MYO5B: variants seen among roughly 807,000 people sequenced by gnomAD.
MYO5B encodes myosin VB, also known as unconventional myosin-Vb.
A neutral mutation model predicts 229.3 loss-of-function variants in MYO5B; 143 were observed. That is an observed-to-expected ratio of 0.62 (90% CI 0.54 to 0.72). The LOEUF (loss-of-function observed/expected upper bound fraction) is 0.72. Ranked by LOEUF, MYO5B falls within the 30% of genes least tolerant of loss-of-function variation. The pLI, the probability that MYO5B is intolerant of heterozygous loss-of-function variation, is 0.00. For synonymous variants in MYO5B, 918 were observed against 885.2 expected, an observed-to-expected ratio of 1.04 and a Z score of -0.66; for missense variants, 2,321 against 2,331.0, an observed-to-expected ratio of 1.00 and a Z score of 0.09.
At chr18:50,052,708 A>AG (rs1417113192) in intron 2 of MYO5B, among the ~76,000 whole-genome samples, 1 of 151,092 alleles carries the variant, frequency 6.6e-6, no homozygotes, top group African/African-American at 2.4e-5. Flanking sequence ...AGTATAATAA[A>AG]AAAAAAAGGT....
chr18:49,935,785 G>A (rs555181682), intron 16 of MYO5B, among the ~76,000 whole-genome samples: 3 of 152,338 alleles, frequency 2.0e-5, no homozygotes, highest in African/African-American at 7.2e-5. Context: ...GAGGAAAAGG[G>A]GAGCAAATGT....
chr18:49,948,349 A>G (rs1404422217), intron 14 of MYO5B, among the ~76,000 whole-genome samples: 1 of 152,198 alleles, frequency 6.6e-6, no homozygotes, highest in East Asian at 1.9e-4. Context: ...TGACATTTAG[A>G]TGAATATTTT....
At chr18:50,181,784 C>A (rs1218416813) in intron 1 of MYO5B, among the ~76,000 whole-genome samples, 2 of 152,166 alleles carry the variant, frequency 1.3e-5, no homozygotes, top group Admixed American at 1.3e-4. Flanking sequence ...CACACATACA[C>A]ACAGTAAAAT....
chr18:50,066,844 C>T (rs2030832394), intron 1 of MYO5B, among the ~76,000 whole-genome samples: 1 of 152,202 alleles, frequency 6.6e-6, no homozygotes, highest in Non-Finnish European at 1.5e-5. Context: ...GAATCATTCT[C>T]TGGAGAGCTC....
At chr18:49,843,496 G>A in intron 33 of MYO5B, 104 bp from the exon 34 acceptor site, 1 of 1,390,060 alleles carries the variant, frequency 7.2e-7, no homozygotes, top group East Asian at 2.3e-5. Context: ...TTTCCCCATA[G>A]CTCATCTAGG....
intron 11 of MYO5B, 31 bp downstream of exon 11, chr18:49,962,918 T>G: frequency 6.3e-7 from 1 of 1,590,096 alleles, no homozygotes; most frequent in Non-Finnish European, 8.6e-7. Flanking sequence ...CCCCCAATCC[T>G]GGTACCCCCA....
chr18:49,946,734 C>G (rs3132916), intron 14 of MYO5B, among the ~76,000 whole-genome samples: 112,892 of 152,274 alleles, frequency 0.74, 42,400 homozygotes, highest in African/African-American at 0.86. Context: ...CTAGGTTTTC[C>G]TTTAAGTTCC....
Position 50,171,177 on chromosome 18 carries a change from G to A in MYO5B, c.27+23590C>T, listed in dbSNP as rs1229617035. On this transcript the variant is annotated intron_variant, in intron 1 of 39. Coordinates refer to ENST00000285039, the MANE Select transcript of MYO5B (RefSeq NM_001080467.3). ...TAAGACAGTGCTGGGCACTTGGCAC[G>A]ATCTTCACCCTCACAGATAAGTTGA... is the stretch of plus-strand genomic sequence containing the variant. Among the ~76,000 whole-genome samples, 3 of 128,246 alleles carry A rather than the reference G, an allele frequency of 2.3e-5. 1 individual carries two copies. Among genetic ancestry groups the A allele is most frequent in the Non-Finnish European group, 3.3e-5 (2 of 60,098 alleles). The allele number at this position is 128,246 out of a possible 152,430, so 84.1% of individuals were successfully genotyped here. A position where few individuals can be genotyped will look rare whatever the true frequency, so the allele number is the denominator to read the frequency against.
intron 5 of MYO5B, among the ~76,000 whole-genome samples, chr18:49,993,311 C>A (rs1051274666): frequency 2.6e-5 from 4 of 151,674 alleles, no homozygotes; most frequent in Non-Finnish European, 5.9e-5. Context: ...CCCAACCTAC[C>A]CCTCAAGTCC....
chr18:49,877,117 G>A (rs763324517), intron 25 of MYO5B, among the ~76,000 whole-genome samples: 7 of 152,136 alleles, frequency 4.6e-5, no homozygotes, highest in Non-Finnish European at 1.0e-4. Context: ...ACAAGGTTCT[G>A]TGTGTACGTG....
intron 1 of MYO5B, among the ~76,000 whole-genome samples, chr18:50,070,905 A>G (rs2144447625): frequency 6.6e-6 from 1 of 151,924 alleles, no homozygotes; most frequent in East Asian, 2.0e-4. Flanking sequence ...TGCAGTGGTG[A>G]GATCACTACT....
chr18:50,054,602 T>C (rs193232421), intron 2 of MYO5B, among the ~76,000 whole-genome samples: 9 of 152,310 alleles, frequency 5.9e-5, no homozygotes, highest in African/African-American at 1.7e-4. Context: ...CATGAGAAGG[T>C]AAACTAAATC....
At chr18:50,071,105 T>C (rs2030948464) in intron 1 of MYO5B, among the ~76,000 whole-genome samples, 1 of 152,220 alleles carries the variant, frequency 6.6e-6, no homozygotes, top group Admixed American at 6.5e-5. Context: ...ATTACAGGTG[T>C]GGGCCACCAT....
chr18:50,082,978 C>T (rs2031253540), intron 1 of MYO5B, among the ~76,000 whole-genome samples: 1 of 152,214 alleles, frequency 6.6e-6, no homozygotes, highest in Non-Finnish European at 1.5e-5. Flanking sequence ...CCCAGTTCCA[C>T]AAGATCATAC....
intron 17 of MYO5B, among the ~76,000 whole-genome samples, chr18:49,916,310 C>T (rs148726133): frequency 1.6e-4 from 24 of 152,346 alleles, no homozygotes; most frequent in Middle Eastern, 3.4e-3. Flanking sequence ...AAGGCCAGTA[C>T]AGGATGAACC....
intron 5 of MYO5B, among the ~76,000 whole-genome samples, chr18:49,999,016 T>C (rs982476716): frequency 1.8e-4 from 27 of 152,260 alleles, no homozygotes; most frequent in African/African-American, 6.5e-4. Context: ...ATGTGTATTT[T>C]ATGATAAAAT....
chr18:50,076,153 G>T (rs950919839), intron 1 of MYO5B, among the ~76,000 whole-genome samples: 1 of 152,146 alleles, frequency 6.6e-6, no homozygotes, highest in African/African-American at 2.4e-5. Flanking sequence ...CTTTTTAATT[G>T]CAAAAGGCGT....
rs1437656614 is a variant in MYO5B, at chr18:49,962,378, T to C, written c.1433A>G (p.Tyr478Cys). Residue 478 changes from tyrosine (Y) to cysteine (C), a missense_variant, in exon 12 of 40, where the codon TAC (tyrosine) becomes TGC (cysteine). This residue lies in a region of MYO5B where 2,113 missense variants were observed against 2,044.7 expected (regional missense o/e 1.03). Coordinates refer to ENST00000285039, the MANE Select transcript of MYO5B (RefSeq NM_001080467.3). ...GGTCCAAGGGATCTGTTCCTTCATG[T>C]ATTCTTCTTGCTCCAGTTTGAAAAC... ...SHVFKLEQEE[Y>C]MKEQIPWTLI... The C allele has an allele frequency of 6.2e-7, 1 of 1,614,214 alleles. No homozygotes were observed. The highest frequency in any genetic ancestry group is 1.1e-5 in the South Asian group (1 of 91,072).
At chr18:50,091,986 C>T (rs1446227952) in intron 1 of MYO5B, among the ~76,000 whole-genome samples, 1 of 152,164 alleles carries the variant, frequency 6.6e-6, no homozygotes, top group Non-Finnish European at 1.5e-5. Context: ...TGAGCTTTCA[C>T]TAGAATTATG....
Sources: gnomAD v4.1 joint callset for allele counts (sites outside exome capture counted in the v4.1 genomes callset) on GRCh38, gnomAD v4.1.1 for gene constraint, gnomAD v4.1.1 regional missense constraint, MANE v1.5 for transcripts, NCBI Gene and HGNC (gene_info 2026-07-23, HGNC 2026-07-21) for gene names.